SORD: variants seen among roughly 807,000 people sequenced by gnomAD.
SORD encodes the protein sorbitol dehydrogenase.
A neutral mutation model predicts 35.6 loss-of-function variants in SORD; 18 were observed. The ratio of observed to expected loss-of-function variants is 0.51; its 90% confidence interval spans 0.35 to 0.75. The LOEUF is 0.75. Ranked by LOEUF, SORD falls within the 30% of genes least tolerant of loss-of-function variation. The pLI, the probability that SORD is intolerant of heterozygous loss-of-function variation, is 0.01. For missense variants in SORD, 250 were observed against 390.2 expected (o/e 0.64, Z 3.03); for synonymous variants, 106 against 152.9 (o/e 0.69, Z 2.26).
chr15:45,049,774 C>T (rs1196189077), intron 3 of SORD, among the ~76,000 whole-genome samples: 1 of 152,118 alleles, frequency 6.6e-6, no homozygotes, highest in East Asian at 1.9e-4. Flanking sequence ...AGCCAGAGAT[C>T]GCTGATTGGT....
rs376951064 is a variant in SORD, at chr15:45,037,802, G to C, written c.67-2606G>C. Among the ~76,000 whole-genome samples the C allele has an allele frequency of 2.0e-4, 30 of 152,074 alleles. No individual in the cohort carries two copies. The East Asian group carries it at 5.6e-3, about 29-fold the overall frequency. ...ACCATCACACACCAGGGCCTGTCAG[G>C]GGGTGGGGGACAAGGGGAGGGAGGG... On this transcript the variant is annotated intron_variant, in intron 1 of 8. Coordinates refer to ENST00000267814, the MANE Select transcript of SORD (RefSeq NM_003104.6).
In SORD at chr15:45,061,187, T is replaced by G. The variant is rs757137687; in HGVS notation, c.386T>G (p.Leu129Arg). The change falls in exon 4 of 9, where the codon CTC becomes CGC. Residue 129 changes from leucine to arginine, a missense_variant. Coordinates refer to ENST00000267814, the MANE Select transcript of SORD (RefSeq NM_003104.6). ...FCATPPDDGN[L>R]CRFYKHNAAF... ...GCCACGCCCCCCGATGACGGGAACCTCTGCCGGTTCTATAAGCACAATGCA... is the reference window on the plus strand; with the variant it reads ...GCCACGCCCCCCGATGACGGGAACCGCTGCCGGTTCTATAAGCACAATGCA... 7.4e-6 allele frequency: 12 copies of G among 1,614,234 alleles called. No individual in the cohort carries two copies. The South Asian group carries it at 9.9e-5, about 13-fold the overall frequency.
In SORD at chr15:45,068,163, A is replaced by G. The variant is rs774274264; in HGVS notation, c.545-18A>G. On this transcript the variant is annotated intron_variant, in intron 5 of 8. Coordinates refer to ENST00000267814, the MANE Select transcript of SORD (RefSeq NM_003104.6). ...GTTTAATATTTCACGAACATATTCC[A>G]TCTTCTGCTTTGTTTAGGGCCAATC... The G allele has an allele frequency of 2.5e-6, 4 of 1,607,952 alleles. No homozygotes were observed. Among genetic ancestry groups the G allele is most frequent in the Non-Finnish European group, 3.4e-6 (4 of 1,174,492 alleles).
rs561184560 is a variant in SORD, at chr15:45,063,792, C to A, written c.426-1479C>A. Among the ~76,000 whole-genome samples, 4 of 152,252 alleles carry A rather than the reference C, an allele frequency of 2.6e-5. No homozygotes were observed. In the East Asian group the frequency reaches 5.8e-4, roughly 22 times the overall value. ...GGAGTCCCTGAGAGAGTTTAGGAAT[C>A]TTCACGATTTCATTTTCACCTTTTT... On this transcript the variant is annotated intron_variant, in intron 4 of 8. Coordinates refer to ENST00000267814, the MANE Select transcript of SORD (RefSeq NM_003104.6).
chr15:45,049,730 A>G lies in SORD; in HGVS notation c.265+6309A>G, dbSNP rs775658627. On this transcript the variant is annotated intron_variant, in intron 3 of 8. Coordinates refer to ENST00000267814, the MANE Select transcript of SORD (RefSeq NM_003104.6). ...ATTAAAATATTGATCCAGATTTTTT[A>G]TATTACTGATCTCTTTTGTTTCTTC... is the stretch of plus-strand genomic sequence containing the variant. Among the ~76,000 whole-genome samples, 19 of 152,308 alleles carry G rather than the reference A, an allele frequency of 1.2e-4. 1 individual carries two copies. The highest frequency in any genetic ancestry group is 1.0e-3 in the South Asian group (5 of 4,830).
chr15:45,071,310 G>C (rs1893509256), intron 7 of SORD, among the ~76,000 whole-genome samples: 1 of 152,148 alleles, frequency 6.6e-6, no homozygotes, highest in Non-Finnish European at 1.5e-5. Flanking sequence ...CTAGAAAATG[G>C]GCTGAGAGGG....
intron 7 of SORD, among the ~76,000 whole-genome samples, chr15:45,069,663 C>G (rs1893477422): frequency 6.6e-6 from 1 of 152,114 alleles, no homozygotes; most frequent in Non-Finnish European, 1.5e-5. Flanking sequence ...GTTAAAAGTG[C>G]AGTAGTTTTG....
chr15:45,066,423 A>G (rs1406726990), intron 5 of SORD, among the ~76,000 whole-genome samples: 1 of 151,900 alleles, frequency 6.6e-6, no homozygotes, highest in East Asian at 2.0e-4. Flanking sequence ...TTTTGATAGT[A>G]AAGGGAAGGG....
chr15:45,029,202 C>T (rs1305490348), intron 1 of SORD, among the ~76,000 whole-genome samples: 4 of 152,270 alleles, frequency 2.6e-5, no homozygotes, highest in African/African-American at 9.6e-5. Flanking sequence ...AAAACCCAAA[C>T]TGGACATACC....
intron 1 of SORD, among the ~76,000 whole-genome samples, chr15:45,032,421 A>G (rs2141264584): frequency 6.6e-6 from 1 of 152,170 alleles, no homozygotes; most frequent in Non-Finnish European, 1.5e-5. Context: ...TGGATGTCCC[A>G]AGACACCTCA....
rs183225242 is a variant in SORD at position 45,062,951 on chromosome 15, A to G, written c.425+1725A>G. On this transcript the variant is annotated intron_variant, in intron 4 of 8. Transcript: ENST00000267814. ...CAGCATGAGGTCTGGCACATAGTAA[A>G]TGCTCAGTAAATGGTACCAAGCTAT... Among the ~76,000 whole-genome samples, 8 of 146,266 alleles carry G rather than the reference A, an allele frequency of 5.5e-5. 1 individual carries two copies. The highest frequency in any genetic ancestry group is 1.6e-4 in the African/African-American group (6 of 36,908).
intron 3 of SORD, among the ~76,000 whole-genome samples, chr15:45,055,187 T>C (rs1754361794): frequency 6.6e-6 from 1 of 152,152 alleles, no homozygotes. Context: ...GTAAAGAAAG[T>C]CATTGGTAGC....
chr15:45,060,519 T>C (rs1196543102), intron 3 of SORD, among the ~76,000 whole-genome samples: 2 of 152,176 alleles, frequency 1.3e-5, no homozygotes, highest in Non-Finnish European at 2.9e-5. Context: ...GCAGTTCTAC[T>C]ACCAGGAATC....
rs562736583 is a variant in SORD at position 45,024,558 on chromosome 15, G to A, written c.66+1209G>A. On this transcript the variant is annotated intron_variant, in intron 1 of 8. Coordinates refer to ENST00000267814, the MANE Select transcript of SORD (RefSeq NM_003104.6). ...TCAGATGTTCAGACTCCCCATTCTA[G>A]TGCTCATTCCACTCTTTGGAGCCTC... 3.9e-4 allele frequency among the ~76,000 whole-genome samples: 59 copies of A among 152,202 alleles called. 1 individual carries two copies. In the South Asian group the frequency reaches 0.012, roughly 31 times the overall value.
intron 1 of SORD, among the ~76,000 whole-genome samples, chr15:45,023,958 AG>A (rs1230371860): frequency 2.0e-5 from 3 of 152,058 alleles, no homozygotes; most frequent in African/African-American, 7.2e-5. Context: ...GGATCTTGAT[AG>A]CTCCCTTGTC....
chr15:45,035,027 C>T (rs1438137073), intron 1 of SORD, among the ~76,000 whole-genome samples: 2 of 152,148 alleles, frequency 1.3e-5, no homozygotes, highest in South Asian at 2.1e-4. Flanking sequence ...GCCGGCCCGC[C>T]GGCGCTGCGC....
chr15:45,058,942 A>G (rs1023740050), intron 3 of SORD, among the ~76,000 whole-genome samples: 2 of 152,190 alleles, frequency 1.3e-5, no homozygotes, highest in Non-Finnish European at 2.9e-5. Flanking sequence ...GTTTTAAGCA[A>G]GCCTCCACCC....
chr15:45,046,295 T>G, intron 3 of SORD, among the ~76,000 whole-genome samples: 1 of 152,078 alleles, frequency 6.6e-6, no homozygotes, highest in East Asian at 1.9e-4. Context: ...CAGGCTGGAG[T>G]GTAGTGGTGC....
chr15:45,063,570 T>G (rs1893357961), intron 4 of SORD, among the ~76,000 whole-genome samples: 5 of 152,170 alleles, frequency 3.3e-5, no homozygotes. Context: ...CACGGTTGGC[T>G]GTGTTGGGTG....
Sources: gnomAD v4.1 joint callset for allele counts (sites outside exome capture counted in the v4.1 genomes callset) on GRCh38, gnomAD v4.1.1 for gene constraint, MANE v1.5 for transcripts, NCBI Gene and HGNC (gene_info 2026-07-23, HGNC 2026-07-21) for gene names.